The following HGF variants were observed in gnomAD, a reference collection of about 807,000 sequenced individuals.
The protein encoded by HGF is hepatocyte growth factor.
In HGF, 39 loss-of-function variants were observed where a neutral mutation model predicts 111.6. The observed-to-expected ratio is 0.35, with a 90% CI of 0.27 to 0.46. HGF has a LOEUF of 0.46. Among genes scored for constraint, HGF ranks in the 20% least tolerant of loss-of-function variants. HGF has a pLI of 1.00. For missense variants in HGF, 735 were observed against 910.5 expected, an observed-to-expected ratio of 0.81 and a Z score of 2.48; for synonymous variants, 285 against 294.8, an observed-to-expected ratio of 0.97 and a Z score of 0.34.
At chr7:81,737,984 A>G (rs767659907) in intron 7 of HGF, among the ~76,000 whole-genome samples, 2 of 152,146 alleles carry the variant, frequency 1.3e-5, no homozygotes, top group Non-Finnish European at 2.9e-5. Context: ...CTTCATAAAA[A>G]TACTAATACT....
At chr7:81,743,624 C>G (rs1160056170) in intron 6 of HGF, among the ~76,000 whole-genome samples, 153 bp from the exon 7 acceptor site, 1 of 152,148 alleles carries the variant, frequency 6.6e-6, no homozygotes, top group Non-Finnish European at 1.5e-5. Flanking sequence ...CTGCTGATCA[C>G]TGACTATTGA....
At chr7:81,736,736 C>A in intron 7 of HGF, 1 of 475,244 alleles carries the variant, frequency 2.1e-6, no homozygotes, top group East Asian at 6.2e-5. Flanking sequence ...ATCATTGTGG[C>A]TGGAACAGAC....
At chr7:81,721,219 C>T (rs1789853224) in intron 9 of HGF, among the ~76,000 whole-genome samples, 1 of 152,004 alleles carries the variant, frequency 6.6e-6, no homozygotes, top group Non-Finnish European at 1.5e-5. Flanking sequence ...TGCACTCCAG[C>T]CTGGGCGACA....
rs555207753 is a variant in HGF, at chr7:81,746,130, G to A, written c.626-1010C>T. The stretch of plus-strand genomic sequence containing the variant: ...GCCTAATGAGTATTTGTAGTAATTT[G>A]GGATTATAGTATTAGAATCATCACT... On this transcript the variant is annotated intron_variant, in intron 5 of 17. Transcript: ENST00000222390. Among the ~76,000 whole-genome samples the A allele has an allele frequency of 6.6e-4, 101 of 152,246 alleles. 1 individual carries two copies. The highest frequency in any genetic ancestry group is 4.1e-3 in the South Asian group (20 of 4,830).
chr7:81,742,011 C>T (rs79370665), intron 7 of HGF, among the ~76,000 whole-genome samples: 1,945 of 143,552 alleles, frequency 0.014, 48 homozygotes, highest in African/African-American at 0.047. Flanking sequence ...AGAAGGGAAA[C>T]AGTTGGTTTA....
chr7:81,725,144 A>G (rs1036201195), intron 9 of HGF, among the ~76,000 whole-genome samples: 21 of 152,182 alleles, frequency 1.4e-4, no homozygotes, highest in Non-Finnish European at 2.5e-4. Flanking sequence ...ACTTAGTCAG[A>G]TTGTGTAATT....
chr7:81,734,549 A>G (rs1205585007), intron 7 of HGF, among the ~76,000 whole-genome samples: 1 of 152,076 alleles, frequency 6.6e-6, no homozygotes, highest in Non-Finnish European at 1.5e-5. Flanking sequence ...TTTTTTTGAG[A>G]CAAAGAGTAT....
In HGF at chr7:81,710,176, G is replaced by C; in HGVS notation, c.1512C>G (p.Asn504Lys). Residue 504 changes from asparagine to lysine, a missense_variant, in exon 13 of 18, where the codon AAC becomes AAG. This residue lies in a region of HGF where 553 missense variants were observed against 685.6 expected (regional missense o/e 0.81). Coordinates refer to ENST00000222390, the MANE Select transcript of HGF (RefSeq NM_000601.6). ...RVVNGIPTRT[N>K]IGWMVSLRYR... ...ATCTCAAACTAACCATCCATCCTAT[G>C]TTTGTTCGTGTTGGAATCCCATTTA... is the stretch of plus-strand genomic sequence containing the variant. 6.2e-7 allele frequency: 1 copy of C among 1,612,130 alleles called. No homozygotes were observed. Among genetic ancestry groups the C allele is most frequent in the Non-Finnish European group, 8.5e-7 (1 of 1,178,378 alleles).
At chr7:81,741,938 CAAAAAAA>C (rs71520767) in intron 7 of HGF, among the ~76,000 whole-genome samples, 3 of 46,354 alleles carry the variant, frequency 6.5e-5, no homozygotes, top group African/African-American at 1.6e-4. Context: ...AACTCCATCT[CAAAAAAA>C]AAAAAAAAAA....
intron 7 of HGF, chr7:81,743,071 GT>G: frequency 1.1e-6 from 1 of 922,160 alleles, no homozygotes; most frequent in Non-Finnish European, 1.7e-6. Flanking sequence ...TCTCTCTGTG[GT>G]TTTTTAAATT....
At chr7:81,745,204 G>C (rs1283087194) in intron 5 of HGF, 84 bp from the exon 6 acceptor site, 11 of 1,421,480 alleles carry the variant, frequency 7.7e-6, no homozygotes, top group African/African-American at 1.4e-5. Context: ...AACAGCACCT[G>C]TTTAGTAAAC....
Position 81,769,966 on chromosome 7 carries a change from C to A in HGF, c.6G>T (p.Trp2Cys), listed in dbSNP as rs745851853. The A allele has an allele frequency of 1.4e-4, 216 of 1,555,030 alleles. No individual in the cohort carries two copies. The South Asian group carries it at 1.6e-3, about 11-fold the overall frequency. Residue 2 changes from tryptophan (W) to cysteine (C), a missense_variant, in exon 1 of 18, where the codon TGG becomes TGT. Transcript: ENST00000222390. MWVTKLLPALLL... is the reference protein window; with the variant it reads MCVTKLLPALLL... ...GCAGGGCTGGCAGGAGTTTGGTCAC[C>A]CACATGGTGCTGCTGGACGGGCTGG...
At chr7:81,720,869 A>G (rs772963532) in intron 9 of HGF, 22 bp from the exon 10 acceptor site, 135 of 1,217,482 alleles carry the variant, frequency 1.1e-4, no homozygotes, top group Non-Finnish European at 1.6e-4. Flanking sequence ...ATATACAGAA[A>G]TAAGTCCAAT....
chr7:81,720,895 T>C (rs1562878775), intron 9 of HGF, 48 bp from the exon 10 acceptor site: 8 of 976,828 alleles, frequency 8.2e-6, no homozygotes, highest in Non-Finnish European at 1.3e-5. Context: ...TCAAGGCAGA[T>C]AAAACAAAAA....
chr7:81,732,037 T>C (rs752158526), intron 7 of HGF, among the ~76,000 whole-genome samples: 4 of 152,174 alleles, frequency 2.6e-5, no homozygotes, highest in Non-Finnish European at 4.4e-5. Context: ...TTGTATGTGA[T>C]TTATTTTGAT....
chr7:81,750,960 A>G, intron 5 of HGF: 3 of 937,494 alleles, frequency 3.2e-6, no homozygotes, highest in African/African-American at 1.8e-5. Context: ...GTTATAGGGA[A>G]CAGAATATGA....
intron 5 of HGF, 140 bp downstream of exon 5, chr7:81,751,980 T>A: frequency 6.9e-7 from 1 of 1,456,176 alleles, no homozygotes; most frequent in Admixed American, 2.6e-5. Flanking sequence ...TATAAAAATG[T>A]TTAAATAATT....
At chr7:81,736,710 G>A (rs1045298095) in intron 7 of HGF, 11 of 476,084 alleles carry the variant, frequency 2.3e-5, no homozygotes, top group South Asian at 1.4e-4. Flanking sequence ...TGGAAAATAT[G>A]AGGCAAAGGA....
chr7:81,708,524 CTTTTTTTTTTTTTTTTTT>C (rs3081099), intron 13 of HGF, among the ~76,000 whole-genome samples: 1 of 72,472 alleles, frequency 1.4e-5, no homozygotes, highest in Non-Finnish European at 2.4e-5. Context: ...TTCCTTCCTT[CTTTTTTTTTTTTTTTTTT>C]TTTTTTTTTT....
Sources: allele counts gnomAD v4.1 joint callset (sites outside exome capture counted in the v4.1 genomes callset), GRCh38; gene constraint gnomAD v4.1.1; regional missense constraint gnomAD v4.1.1; transcripts MANE v1.5; gene names NCBI Gene and HGNC (gene_info 2026-07-23, HGNC 2026-07-21).